Variants in NRG3 observed in about 807,000 individuals in gnomAD.
The protein encoded by NRG3 is pro-neuregulin-3, membrane-bound isoform.
A neutral mutation model predicts 66.9 loss-of-function variants in NRG3; 31 were observed. The ratio of observed to expected loss-of-function variants is 0.46; its 90% CI spans 0.35 to 0.63. The LOEUF (loss-of-function observed/expected upper bound fraction) is 0.63. NRG3 is among the 20% of genes least tolerant of loss of function. The probability of loss-of-function intolerance (pLI) is 0.00; values close to 1 mark genes in which losing one functional copy is unlikely to be tolerated. For missense variants in NRG3, 910 were observed against 878.9 expected (o/e 1.04, Z -0.45); for synonymous variants, 393 against 359.4 (o/e 1.09, Z -1.06).
At chr10:82,058,997 C>A (rs2063991551) in intron 1 of NRG3, among the ~76,000 whole-genome samples, 1 of 152,178 alleles carries the variant, frequency 6.6e-6, no homozygotes, top group South Asian at 2.1e-4. Context: ...CATGCCGAGG[C>A]AACATGTGGG....
At chr10:82,103,403 T>G (rs1388264671) in intron 1 of NRG3, among the ~76,000 whole-genome samples, 1 of 152,224 alleles carries the variant, frequency 6.6e-6, no homozygotes. Flanking sequence ...ATTGCTTGTT[T>G]TAAAAGCAAG....
chr10:82,668,971 C>T (rs1203967636), intron 2 of NRG3, among the ~76,000 whole-genome samples: 1 of 152,148 alleles, frequency 6.6e-6, no homozygotes, highest in East Asian at 1.9e-4. Flanking sequence ...CATCTGGGAA[C>T]TGCTGTTAAA....
chr10:82,731,984 A>G (rs1203137524), intron 2 of NRG3, among the ~76,000 whole-genome samples: 1 of 152,234 alleles, frequency 6.6e-6, no homozygotes, highest in African/African-American at 2.4e-5. Flanking sequence ...AAAAATTGCT[A>G]ACAGTAGACA....
intron 4 of NRG3, among the ~76,000 whole-genome samples, chr10:82,937,839 G>T (rs1203130743): frequency 3.9e-5 from 6 of 152,078 alleles, no homozygotes; most frequent in African/African-American, 1.4e-4. Context: ...GAAACCATTA[G>T]ACCAAACTTA....
At chr10:82,161,212 G>T (rs1471333264) in intron 1 of NRG3, among the ~76,000 whole-genome samples, 2 of 152,140 alleles carry the variant, frequency 1.3e-5, no homozygotes, top group Non-Finnish European at 2.9e-5. Flanking sequence ...AGTGCTGGAA[G>T]AATTGGAGTC....
At chr10:82,136,128 T>G (rs1008920298) in intron 1 of NRG3, among the ~76,000 whole-genome samples, 28 of 152,186 alleles carry the variant, frequency 1.8e-4, no homozygotes, top group Admixed American at 7.9e-4. Context: ...TGGTCTTGGG[T>G]AAAACCTGAG....
intron 1 of NRG3, among the ~76,000 whole-genome samples, chr10:82,270,819 C>G (rs1484395933): frequency 1.3e-5 from 2 of 152,134 alleles, no homozygotes; most frequent in African/African-American, 2.4e-5. Flanking sequence ...GCATCTGTAA[C>G]AAGTATTGTC....
At position 82,951,425 on chromosome 10, in the gene NRG3, C is replaced by T. The variant is rs764906831; in HGVS notation, c.1055-44C>T. ...ACATGGATGAAGATAGTTGCTGATG[C>T]ACCCCGCTAGCATCCATTCTAATTT... is the stretch of plus-strand genomic sequence containing the variant. On this transcript the variant is annotated intron_variant, in intron 4 of 8. Transcript: ENST00000372141. 2.1e-6 allele frequency: 3 copies of T among 1,453,148 alleles called. No individual in the cohort carries two copies. The African/African-American group carries it at 4.2e-5, about 20-fold the overall frequency. 90.0% of individuals were successfully genotyped at this position (1,453,148 alleles called of 1,614,324 possible). A position where few individuals can be genotyped will look rare whatever the true frequency, so the allele number is the denominator to read the frequency against.
chr10:81,953,066 G>A (rs2133208273), intron 1 of NRG3, among the ~76,000 whole-genome samples: 1 of 152,176 alleles, frequency 6.6e-6, no homozygotes, highest in South Asian at 2.1e-4. Flanking sequence ...TCTTGACAGG[G>A]GACTTAGGGG....
rs181317162 is a variant in NRG3, at chr10:81,990,147, A to G, written c.823+113984A>G. On this transcript the variant is annotated intron_variant, in intron 1 of 8. Transcript: ENST00000372141. ...GATTGTCCGTATCTTTACTCTTTAG[A>G]TCTCAATGTTCTCATCTGTAAAACG... Among the ~76,000 whole-genome samples, 268 of 152,268 alleles carry G rather than the reference A, an allele frequency of 1.8e-3. 1 individual carries two copies. The highest frequency in any genetic ancestry group is 2.4e-3 in the Admixed American group (37 of 15,280).
chr10:82,508,219 T>G (rs1009935745), intron 2 of NRG3, among the ~76,000 whole-genome samples: 2 of 152,232 alleles, frequency 1.3e-5, no homozygotes, highest in Non-Finnish European at 2.9e-5. Flanking sequence ...TGGCATGGAA[T>G]GCATTGTTTT....
intron 2 of NRG3, among the ~76,000 whole-genome samples, chr10:82,608,254 C>G (rs2048093383): frequency 6.6e-6 from 1 of 152,150 alleles, no homozygotes; most frequent in Non-Finnish European, 1.5e-5. Flanking sequence ...TGCACAGCTT[C>G]TGTTGAATGT....
intron 2 of NRG3, among the ~76,000 whole-genome samples, chr10:82,667,876 C>A (rs2052927788): frequency 6.6e-6 from 1 of 152,184 alleles, no homozygotes; most frequent in Non-Finnish European, 1.5e-5. Flanking sequence ...TGTATGCATA[C>A]ACCCACAGGC....
At chr10:82,123,809 C>T (rs553000559) in intron 1 of NRG3, among the ~76,000 whole-genome samples, 3 of 149,726 alleles carry the variant, frequency 2.0e-5, no homozygotes, top group Non-Finnish European at 1.5e-5. Flanking sequence ...AATGCCTGGT[C>T]CCACCCCAGA....
At chr10:81,961,468 T>C (rs1198329733) in intron 1 of NRG3, among the ~76,000 whole-genome samples, 1 of 57,766 alleles carries the variant, frequency 1.7e-5, no homozygotes, top group Non-Finnish European at 3.2e-5. Flanking sequence ...ATTTGTTTGC[T>C]GAATAAAGGA....
At chr10:82,585,741 T>C (rs2046630908) in intron 2 of NRG3, among the ~76,000 whole-genome samples, 1 of 152,198 alleles carries the variant, frequency 6.6e-6, no homozygotes, top group Admixed American at 6.6e-5. Context: ...AGCATAATGA[T>C]AATTATCTCT....
At chr10:82,948,235 ATAT>A (rs1249570918) in intron 4 of NRG3, among the ~76,000 whole-genome samples, 1 of 152,068 alleles carries the variant, frequency 6.6e-6, no homozygotes, top group Non-Finnish European at 1.5e-5. Context: ...TAAGTTTCGA[ATAT>A]TATATTTCAG....
chr10:82,869,072 C>A lies in NRG3; in HGVS notation c.1054+3635C>A, dbSNP rs149046101. ...GCCATCATCCCAAGTAATATGACAT[C>A]TCTAGGTATGAATTCAGCTGGGAAG... On this transcript the variant is annotated intron_variant, in intron 4 of 8. Coordinates refer to ENST00000372141, the MANE Select transcript of NRG3 (RefSeq NM_001010848.4). Among the ~76,000 whole-genome samples the A allele has an allele frequency of 2.1e-3, 314 of 152,248 alleles. 5 individuals are homozygous for A. The East Asian group carries it at 0.045, about 22-fold the overall frequency.
chr10:82,430,915 G>A (rs1281876320), intron 2 of NRG3, among the ~76,000 whole-genome samples: 3 of 152,082 alleles, frequency 2.0e-5, no homozygotes, highest in Non-Finnish European at 4.4e-5. Flanking sequence ...TTTATTTATG[G>A]AAAGGCTCAA....
Sources: allele counts gnomAD v4.1 joint callset (sites outside exome capture counted in the v4.1 genomes callset), GRCh38; gene constraint gnomAD v4.1.1; transcripts MANE v1.5; gene names NCBI Gene and HGNC (gene_info 2026-07-23, HGNC 2026-07-21).